The following GABRA4 variants were observed in gnomAD, a reference collection of about 807,000 sequenced individuals.
GABRA4 encodes gamma-aminobutyric acid receptor subunit alpha-4.
GABRA4 carries 12 observed loss-of-function variants against 49.7 expected under a neutral mutation model. The observed-to-expected ratio is 0.24, with a 90% CI of 0.15 to 0.39. GABRA4 has a LOEUF of 0.39. Ranked by LOEUF, GABRA4 falls within the 10% of genes least tolerant of loss-of-function variation. The probability of loss-of-function intolerance (pLI) is 1.00; values close to 1 mark genes in which losing one functional copy is unlikely to be tolerated. For missense variants in GABRA4, 506 were observed against 686.0 expected (o/e 0.74, Z 2.93); for synonymous variants, 288 against 240.2 (o/e 1.20, Z -1.84).
intron 8 of GABRA4, among the ~76,000 whole-genome samples, chr4:46,947,456 G>C (rs1480270098): frequency 6.6e-6 from 1 of 151,898 alleles, no homozygotes; most frequent in African/African-American, 2.4e-5. Context: ...ACATATTCCA[G>C]TTTAAAATGG....
chr4:46,968,822 T>C (rs1361381147), intron 7 of GABRA4, among the ~76,000 whole-genome samples: 1 of 151,576 alleles, frequency 6.6e-6, no homozygotes, highest in African/African-American at 2.4e-5. Flanking sequence ...GTACCTGTCA[T>C]GTTGTAATCA....
chr4:46,930,012 T>C (rs1460051804), intron 8 of GABRA4, among the ~76,000 whole-genome samples: 1 of 152,102 alleles, frequency 6.6e-6, no homozygotes, highest in Non-Finnish European at 1.5e-5. Context: ...ATGTATTCTT[T>C]TTTAGTATAC....
chr4:46,920,213 A>G lies in GABRA4; in HGVS notation c.*8012T>C, dbSNP rs1468230923. ...CTTCCCTCTAAGGAAGCTGTTTTCT[A>G]TGGACTTCAAGTAATAATTTGTATA... On this transcript the variant is annotated 3_prime_UTR_variant, in exon 9 of 9. Transcript: ENST00000264318. The G allele has an allele frequency of 1.3e-5, 2 of 151,674 alleles. No homozygotes were observed. Among genetic ancestry groups the G allele is most frequent in the African/African-American group, 2.4e-5 (1 of 41,420 alleles). 9.4% of individuals were successfully genotyped at this position (151,674 alleles called of 1,614,324 possible).
intron 5 of GABRA4, among the ~76,000 whole-genome samples, 157 bp from the exon 6 acceptor site, chr4:46,974,532 G>A (rs536255099): frequency 6.6e-6 from 1 of 151,986 alleles, no homozygotes; most frequent in Admixed American, 6.6e-5. Context: ...CTATAATTTA[G>A]TCAAACATCT....
intron 8 of GABRA4, among the ~76,000 whole-genome samples, chr4:46,958,324 T>C (rs1347677605): frequency 6.6e-6 from 1 of 151,954 alleles, no homozygotes; most frequent in Non-Finnish European, 1.5e-5. Context: ...ATGTTAGCCA[T>C]CTCATTATAT....
intron 8 of GABRA4, among the ~76,000 whole-genome samples, chr4:46,938,535 A>G (rs897472218): frequency 6.6e-6 from 1 of 152,132 alleles, no homozygotes; most frequent in Non-Finnish European, 1.5e-5. Flanking sequence ...CCTCTGTAAA[A>G]TCATAGCTAT....
intron 1 of GABRA4, among the ~76,000 whole-genome samples, 153 bp from the exon 2 acceptor site, chr4:46,993,099 T>C (rs1343162716): frequency 6.6e-6 from 1 of 151,698 alleles, no homozygotes; most frequent in East Asian, 1.9e-4. Flanking sequence ...AAGACAGAAA[T>C]GGTCAGGAAA....
At chr4:46,985,228 A>G (rs555432846) in intron 2 of GABRA4, among the ~76,000 whole-genome samples, 1 of 152,186 alleles carries the variant, frequency 6.6e-6, no homozygotes, top group South Asian at 2.1e-4. Context: ...AAGACAGTCA[A>G]CCTAAAATGA....
rs755003245 is a variant in GABRA4, at chr4:46,971,197, G to A, written c.760C>T (p.Arg254Trp). 3.1e-6 allele frequency: 5 copies of A among 1,609,264 alleles called. No homozygotes were observed. Among genetic ancestry groups the A allele is most frequent in the Non-Finnish European group, 2.5e-6 (3 of 1,176,844 alleles). ...IVMTVYFHLR[R>W]KMGYFMIQTY... ...TGAATCATAAAATAACCCATCTTCC[G>A]TCTGAGGTGGAAGTAAACCGTCATA... Residue 254 changes from arginine to tryptophan, a missense_variant, in exon 7 of 9, where the codon CGG (arginine) becomes TGG (tryptophan). Physicochemically the swap from Arg to Trp is moderately radical, Grantham distance 101. Transcript: ENST00000264318.
intron 8 of GABRA4, among the ~76,000 whole-genome samples, chr4:46,933,345 T>A (rs1037025412): frequency 2.6e-5 from 4 of 152,206 alleles, no homozygotes; most frequent in African/African-American, 7.2e-5. Flanking sequence ...TTATTATTTC[T>A]TTTTCTATGG....
chr4:46,966,351 C>T (rs1722751904), intron 7 of GABRA4, among the ~76,000 whole-genome samples: 1 of 151,660 alleles, frequency 6.6e-6, no homozygotes, highest in South Asian at 2.1e-4. Context: ...GTAATCCATG[C>T]CAATCCCCAG....
At chr4:46,957,933 G>T (rs1276964461) in intron 8 of GABRA4, among the ~76,000 whole-genome samples, 1 of 151,876 alleles carries the variant, frequency 6.6e-6, no homozygotes, top group East Asian at 1.9e-4. Context: ...AAAGCATTCA[G>T]AATATTAAGC....
At chr4:46,929,213 A>G (rs562574291) in intron 8 of GABRA4, among the ~76,000 whole-genome samples, 8 of 152,098 alleles carry the variant, frequency 5.3e-5, no homozygotes, top group African/African-American at 1.7e-4. Flanking sequence ...ACAGAATATC[A>G]ACAATAACAA....
chr4:46,959,043 T>C lies in GABRA4; in HGVS notation c.1134+5927A>G, dbSNP rs2109366637. Among the ~76,000 whole-genome samples, 3 of 152,122 alleles carry C rather than the reference T, an allele frequency of 2.0e-5. 1 individual carries two copies. In the South Asian group the frequency reaches 6.2e-4, roughly 32 times the overall value. ...GAAATCTCTACTGAAATTCAAAACTTATAATTCTTAGAATAAATATTTCTT... is the reference window on the plus strand; with the variant it reads ...GAAATCTCTACTGAAATTCAAAACTCATAATTCTTAGAATAAATATTTCTT... On this transcript the variant is annotated intron_variant, in intron 8 of 8. Coordinates refer to ENST00000264318, the MANE Select transcript of GABRA4 (RefSeq NM_000809.4).
chr4:46,991,269 A>G (rs1014738254), intron 2 of GABRA4, among the ~76,000 whole-genome samples: 1 of 152,182 alleles, frequency 6.6e-6, no homozygotes, highest in Non-Finnish European at 1.5e-5. Flanking sequence ...CAAGAAAATA[A>G]TGGTTTGGAA....
At position 46,926,358 on chromosome 4, in the gene GABRA4, T is replaced by C. The variant is rs934702646; in HGVS notation, c.*1867A>G. The C allele has an allele frequency of 6.6e-6, 1 of 151,842 alleles. No individual in the cohort carries two copies. The highest frequency in any genetic ancestry group is 6.6e-5 in the Admixed American group (1 of 15,186). 9.4% of individuals were successfully genotyped at this position (151,842 alleles called of 1,614,324 possible). ...TAATTTTACTAGAATCAATTTTAAA[T>C]TGGGGGGTTGGGACTGGGTGATTTC... is the stretch of plus-strand genomic sequence containing the variant. On this transcript the variant is annotated 3_prime_UTR_variant, in exon 9 of 9. Transcript: ENST00000264318.
rs934324067 is a variant in GABRA4 at position 46,920,605 on chromosome 4, A to C, written c.*7620T>G. 1.3e-5 allele frequency: 2 copies of C among 151,758 alleles called. No homozygotes were observed. The highest frequency in any genetic ancestry group is 4.8e-5 in the African/African-American group (2 of 41,422). 9.4% of individuals were successfully genotyped at this position (151,758 alleles called of 1,614,324 possible). On this transcript the variant is annotated 3_prime_UTR_variant, in exon 9 of 9. Coordinates refer to ENST00000264318, the MANE Select transcript of GABRA4 (RefSeq NM_000809.4). ...TTATCAAATTGTGTAAATCCACATT[A>C]TCTCCATATTTTACATTCTATTTTG...
At chr4:46,986,290 C>T (rs1186923464) in intron 2 of GABRA4, among the ~76,000 whole-genome samples, 1 of 152,054 alleles carries the variant, frequency 6.6e-6, no homozygotes, top group Non-Finnish European at 1.5e-5. Context: ...TGCACTCAAT[C>T]AGACTTTCAC....
chr4:46,976,635 G>T (rs141987673), intron 5 of GABRA4, among the ~76,000 whole-genome samples: 2 of 151,736 alleles, frequency 1.3e-5, no homozygotes, highest in East Asian at 3.9e-4. Context: ...AGTTAGCTAT[G>T]AAGGACTGCT....
Sources: gnomAD v4.1 joint callset for allele counts (sites outside exome capture counted in the v4.1 genomes callset) on GRCh38, gnomAD v4.1.1 for gene constraint, MANE v1.5 for transcripts, NCBI Gene and HGNC (gene_info 2026-07-23, HGNC 2026-07-21) for gene names.